The following MZT2B variants were observed in gnomAD, a reference collection of about 807,000 sequenced individuals.
The protein encoded by MZT2B is mitotic-spindle organizing protein 2B.
MZT2B carries 11 observed loss-of-function variants against 12.1 expected under a neutral mutation model. That is an observed-to-expected ratio of 0.91 (90% confidence interval 0.57 to 1.50). MZT2B has a LOEUF of 1.50. Ranked by LOEUF, MZT2B falls within the 40% of genes most tolerant of loss-of-function variation. MZT2B has a pLI of 0.00. For missense variants in MZT2B, 209 were observed against 227.7 expected (o/e 0.92, Z 0.53); for synonymous variants, 85 against 109.5 (o/e 0.78, Z 1.40).
At chr2:130,202,488 T>A in the MZT2B span, 2 of 1,276,794 alleles carry the variant, frequency 1.6e-6, no homozygotes, top group Non-Finnish European at 2.0e-6. Context: ...CTTTGCAGAG[T>A]TTTGTAAGGT....
In MZT2B at chr2:130,182,387, C is replaced by T. The variant is rs1250031178; in HGVS notation, c.105C>T (p.Thr35=). ...LALRRKKVLS[T]EEMELYELAQ... is the part of the protein sequence containing the mutation. ...TGCGGCGGAAGAAGGTGCTGAGCACCGAGGAGATGGAGCTGTACGAGCTGG... is the reference window on the plus strand; with the variant it reads ...TGCGGCGGAAGAAGGTGCTGAGCACTGAGGAGATGGAGCTGTACGAGCTGG... Residue 35 remains threonine (T), a synonymous_variant, in exon 1 of 3, where the codon ACC becomes ACT. Coordinates refer to ENST00000281871, the MANE Select transcript of MZT2B (RefSeq NM_025029.5). 1.9e-6 allele frequency: 3 copies of T among 1,557,744 alleles called. No individual in the cohort carries two copies. The highest frequency in any genetic ancestry group is 1.9e-5 in the Admixed American group (1 of 52,816).
chr2:130,189,398 A>AG (rs1690177958), intron 2 of MZT2B, among the ~76,000 whole-genome samples: 1 of 152,206 alleles, frequency 6.6e-6, no homozygotes, highest in Non-Finnish European at 1.5e-5. Flanking sequence ...TTGAGCCTGC[A>AG]GGGGGAACAT....
the MZT2B span, among the ~76,000 whole-genome samples, chr2:130,201,696 C>A: frequency 6.6e-6 from 1 of 152,180 alleles, no homozygotes; most frequent in Admixed American, 6.5e-5. Flanking sequence ...AGTCCAGCCA[C>A]GCATCCTTCA....
At chr2:130,192,012 A>G, downstream of MZT2B, 1 of 1,614,130 alleles carries the variant, frequency 6.2e-7, no homozygotes, top group East Asian at 2.2e-5. Flanking sequence ...CTTATGGACC[A>G]GGCGGGCCCA....
intron 2 of MZT2B, chr2:130,184,113 G>A (rs1214987107): frequency 6.5e-7 from 1 of 1,529,444 alleles, no homozygotes; most frequent in Non-Finnish European, 8.8e-7. Flanking sequence ...CACAGGGCAC[G>A]ATTTCTGACT....
chr2:130,183,984 A>C, intron 2 of MZT2B: 1 of 1,550,340 alleles, frequency 6.5e-7, no homozygotes, highest in Non-Finnish European at 8.7e-7. Context: ...TTATTGGCTT[A>C]TCTCTGGGGG....
At chr2:130,182,517 G>T (rs1968675) in intron 1 of MZT2B, 65 bp downstream of exon 1, 559,859 of 1,541,848 alleles carry the variant, frequency 0.36, 102,695 homozygotes, top group Admixed American at 0.43. Context: ...TTCCGGGTAC[G>T]CCCGGCCCGC....
At chr2:130,193,881 C>G, downstream of MZT2B, 1 of 1,614,208 alleles carries the variant, frequency 6.2e-7, no homozygotes. Flanking sequence ...ACCACGTCCC[C>G]CCTGTACAAC....
chr2:130,185,847 G>A (rs1690039999), intron 2 of MZT2B, among the ~76,000 whole-genome samples: 2 of 152,160 alleles, frequency 1.3e-5, no homozygotes, highest in Non-Finnish European at 2.9e-5. Context: ...GACCCTCAGG[G>A]TCATTTGTTC....
downstream of MZT2B, chr2:130,191,625 G>A (rs1690259960): frequency 2.6e-6 from 2 of 779,984 alleles, no homozygotes; most frequent in East Asian, 2.7e-5. Flanking sequence ...CTTATGTACA[G>A]TCCTGCTGCA....
downstream of MZT2B, among the ~76,000 whole-genome samples, chr2:130,193,347 G>A (rs1165365189): frequency 1.3e-5 from 2 of 152,006 alleles, no homozygotes; most frequent in Non-Finnish European, 2.9e-5. Context: ...AGTGGCTCAC[G>A]ACTGTAATCC....
chr2:130,191,116 A>G (rs995639511), downstream of MZT2B, among the ~76,000 whole-genome samples: 22 of 151,886 alleles, frequency 1.4e-4, no homozygotes, highest in African/African-American at 5.3e-4. Flanking sequence ...CGCCCGGCTA[A>G]TTTTGTTGTA....
At chr2:130,183,688 C>T in intron 2 of MZT2B, 2 of 1,546,792 alleles carry the variant, frequency 1.3e-6, no homozygotes, top group Non-Finnish European at 1.7e-6. Context: ...GCCTGGGCAC[C>T]CACACCCGCT....
upstream of MZT2B, chr2:130,181,816 G>T: frequency 6.5e-7 from 1 of 1,545,450 alleles, no homozygotes; most frequent in Non-Finnish European, 8.7e-7. Context: ...TCCCCAGCAA[G>T]GAATCCGCGT....
chr2:130,194,388 G>T (rs141552804), downstream of MZT2B: 193 of 1,613,020 alleles, frequency 1.2e-4, no homozygotes, highest in Middle Eastern at 3.4e-4. Flanking sequence ...TCCATGAGCA[G>T]AGATGCGAAC....
chr2:130,193,741 T>C, downstream of MZT2B: 1 of 1,564,994 alleles, frequency 6.4e-7, no homozygotes, highest in Non-Finnish European at 8.7e-7. Context: ...TGTTATTTTG[T>C]GCATCTGCTG....
chr2:130,194,962 G>A (rs578059861), downstream of MZT2B: 82 of 1,538,930 alleles, frequency 5.3e-5, no homozygotes, highest in Middle Eastern at 5.3e-4. Flanking sequence ...ACACGTGTGA[G>A]CCACCGCGCC....
At chr2:130,197,002 C>A in the MZT2B span, among the ~76,000 whole-genome samples, 1 of 152,174 alleles carries the variant, frequency 6.6e-6, no homozygotes, top group South Asian at 2.1e-4. Context: ...CCTCCTTGGC[C>A]CCTTCCTGCT....
intron 2 of MZT2B, among the ~76,000 whole-genome samples, 166 bp from the exon 3 acceptor site, chr2:130,190,301 CTT>C (rs1290542016): frequency 6.6e-6 from 1 of 152,218 alleles, no homozygotes; most frequent in African/African-American, 2.4e-5. Flanking sequence ...CGTGACCTGT[CTT>C]TAGTGGTTCT....
Sources: allele counts gnomAD v4.1 joint callset (sites outside exome capture counted in the v4.1 genomes callset), GRCh38; gene constraint gnomAD v4.1.1; transcripts MANE v1.5; gene names NCBI Gene and HGNC (gene_info 2026-07-23, HGNC 2026-07-21).